ERC2: variants seen among roughly 807,000 people sequenced by gnomAD.
The protein encoded by ERC2 is ERC protein 2.
A neutral mutation model predicts 114.8 loss-of-function variants in ERC2; 42 were observed. The ratio of observed to expected loss-of-function variants is 0.37; its 90% CI spans 0.29 to 0.47. ERC2 has a LOEUF of 0.47. ERC2 is among the 20% of genes least tolerant of loss of function. The pLI is 0.99. For missense variants in ERC2, 939 were observed against 1,150.7 expected, an observed-to-expected ratio of 0.82 and a Z score of 2.66; for synonymous variants, 454 against 425.5, an observed-to-expected ratio of 1.07 and a Z score of -0.82.
At chr3:56,408,629 A>T (rs2060818450) in intron 2 of ERC2, among the ~76,000 whole-genome samples, 1 of 152,214 alleles carries the variant, frequency 6.6e-6, no homozygotes, top group Non-Finnish European at 1.5e-5. Context: ...CTAGAAATAT[A>T]TGAGTAATAG....
chr3:55,509,536 G>A lies in ERC2; in HGVS notation c.*1780C>T, dbSNP rs527773156. The A allele has an allele frequency of 1.0e-4, 16 of 152,556 alleles. No homozygotes were observed. The East Asian group carries it at 3.1e-3, about 29-fold the overall frequency. The allele number at this position is 152,556 out of a possible 1,614,324, so 9.5% of individuals were successfully genotyped here. A position where few individuals can be genotyped will look rare whatever the true frequency, so the allele number is the denominator to read the frequency against. On this transcript the variant is annotated 3_prime_UTR_variant, in exon 18 of 18. Transcript: ENST00000288221. ...ACATGAATGCATTTGGATTGTTTAT[G>A]CAACACATAAGCATTACATAGTTTG...
At chr3:55,756,577 T>C (rs1366644368) in intron 14 of ERC2, among the ~76,000 whole-genome samples, 1 of 152,204 alleles carries the variant, frequency 6.6e-6, no homozygotes, top group Non-Finnish European at 1.5e-5. Context: ...AAGTATGACA[T>C]GTCAAAGGCT....
At chr3:56,268,162 TTTCTA>T (rs2053443830) in intron 3 of ERC2, among the ~76,000 whole-genome samples, 1 of 152,196 alleles carries the variant, frequency 6.6e-6, no homozygotes, top group Non-Finnish European at 1.5e-5. Flanking sequence ...TACTGGACGT[TTTCTA>T]TGTTTAGAAA....
chr3:55,580,693 T>C (rs1015919689), intron 17 of ERC2, among the ~76,000 whole-genome samples: 8 of 152,190 alleles, frequency 5.3e-5, no homozygotes, highest in Non-Finnish European at 1.0e-4. Flanking sequence ...TGCTTATCTT[T>C]TTCAAACCCA....
At chr3:55,699,586 A>G in intron 15 of ERC2, 74 bp from the exon 16 acceptor site, 1 of 1,512,970 alleles carries the variant, frequency 6.6e-7, no homozygotes, top group Non-Finnish European at 8.9e-7. Flanking sequence ...GGGCATAATT[A>G]CAGTACCTAT....
intron 14 of ERC2, among the ~76,000 whole-genome samples, chr3:55,793,419 T>A (rs1417170664): frequency 2.0e-5 from 3 of 152,174 alleles, no homozygotes; most frequent in Admixed American, 6.5e-5. Context: ...TGACTTATAG[T>A]CACTGCAGGA....
At position 56,087,179 on chromosome 3, in the gene ERC2, TTGTGTGTGTGTG is replaced by T. The variant is rs59471652; in HGVS notation, c.1474-6207_1474-6196del. 1.1e-3 allele frequency among the ~76,000 whole-genome samples: 167 copies of T among 147,478 alleles called. 1 individual carries two copies. The highest frequency in any genetic ancestry group is 4.0e-3 in the African/African-American group (159 of 40,144). ...AATTGCTCATTTCCTTTTGATCCATTTGTGTGTGTGTGTGTGTGTGTGTGTGTGTGTGTGTGT... is the reference window on the plus strand; with the variant it reads ...AATTGCTCATTTCCTTTTGATCCATTTGTGTGTGTGTGTGTGTGTGTGTGT... On this transcript the variant is annotated intron_variant, in intron 6 of 17. Coordinates refer to ENST00000288221, the MANE Select transcript of ERC2 (RefSeq NM_015576.3).
At chr3:55,896,683 C>G (rs549538587) in intron 13 of ERC2, among the ~76,000 whole-genome samples, 1 of 152,250 alleles carries the variant, frequency 6.6e-6, no homozygotes, top group African/African-American at 2.4e-5. Context: ...AAATAATTTC[C>G]TAAAAGGTCC....
chr3:55,619,441 C>T (rs1219334818), intron 17 of ERC2, among the ~76,000 whole-genome samples: 1 of 152,228 alleles, frequency 6.6e-6, no homozygotes, highest in Non-Finnish European at 1.5e-5. Flanking sequence ...GATCCTCGCA[C>T]ATTTCTGCAT....
At chr3:55,522,690 T>C (rs1458508041) in intron 17 of ERC2, among the ~76,000 whole-genome samples, 1 of 152,192 alleles carries the variant, frequency 6.6e-6, no homozygotes, top group East Asian at 1.9e-4. Flanking sequence ...CTTGTAGGTC[T>C]GCATGAAGCA....
chr3:55,668,266 C>T (rs534234971), intron 17 of ERC2, among the ~76,000 whole-genome samples: 10 of 152,022 alleles, frequency 6.6e-5, no homozygotes, highest in Non-Finnish European at 8.8e-5. Flanking sequence ...CTAGCGGTGG[C>T]CACATAATAC....
At chr3:55,511,901 G>A (rs1316088435) in intron 17 of ERC2, among the ~76,000 whole-genome samples, 2 of 152,226 alleles carry the variant, frequency 1.3e-5, no homozygotes, top group Non-Finnish European at 2.9e-5. Context: ...CAATGAGTGA[G>A]AAGGGGGATC....
chr3:55,690,072 C>G (rs904263592), intron 16 of ERC2, among the ~76,000 whole-genome samples: 1 of 152,120 alleles, frequency 6.6e-6, no homozygotes, highest in Non-Finnish European at 1.5e-5. Flanking sequence ...CAAAATGATT[C>G]TTAAATATTT....
intron 1 of ERC2, among the ~76,000 whole-genome samples, chr3:56,460,181 C>T (rs1418267966): frequency 6.6e-6 from 1 of 152,222 alleles, no homozygotes. Flanking sequence ...AGGCTCGGCC[C>T]TGGCTGTGAA....
intron 10 of ERC2, among the ~76,000 whole-genome samples, chr3:56,005,632 C>T (rs1482595942): frequency 6.6e-6 from 1 of 151,954 alleles, no homozygotes; most frequent in African/African-American, 2.4e-5. Context: ...ATAACAATGA[C>T]TCATCAGAGT....
intron 14 of ERC2, among the ~76,000 whole-genome samples, chr3:55,866,972 T>C (rs1033105246): frequency 6.6e-6 from 1 of 152,172 alleles, no homozygotes; most frequent in African/African-American, 2.4e-5. Context: ...ATAAAAATGG[T>C]TATACAATGA....
In ERC2 at chr3:55,776,840, C is replaced by T. The variant is rs187858210; in HGVS notation, c.2565-41922G>A. Among the ~76,000 whole-genome samples, 746 of 152,278 alleles carry T rather than the reference C, an allele frequency of 4.9e-3. 7 individuals are homozygous for T. Among genetic ancestry groups the T allele is most frequent in the African/African-American group, 0.016 (685 of 41,552 alleles). On this transcript the variant is annotated intron_variant, in intron 14 of 17. Coordinates refer to ENST00000288221, the MANE Select transcript of ERC2 (RefSeq NM_015576.3). ...ACCCAACATGGCAAACACACACAAA[C>T]GCTAGGCAGTGTGGTTGGCATTAGC...
At chr3:56,436,646 C>T (rs1037166585) in intron 1 of ERC2, among the ~76,000 whole-genome samples, 2 of 152,188 alleles carry the variant, frequency 1.3e-5, no homozygotes, top group Non-Finnish European at 2.9e-5. Context: ...GCCTGGCCAA[C>T]CACCATATTG....
At chr3:56,262,785 G>A (rs889636365) in intron 3 of ERC2, among the ~76,000 whole-genome samples, 1 of 152,066 alleles carries the variant, frequency 6.6e-6, no homozygotes, top group African/African-American at 2.4e-5. Context: ...ACAAATTTTG[G>A]TCCCCAATTT....
Sources: gnomAD v4.1 joint callset for allele counts (sites outside exome capture counted in the v4.1 genomes callset) on GRCh38, gnomAD v4.1.1 for gene constraint, MANE v1.5 for transcripts, NCBI Gene and HGNC (gene_info 2026-07-23, HGNC 2026-07-21) for gene names.